Variants in TRIP11 observed in about 807,000 individuals in gnomAD.
TRIP11 encodes thyroid receptor-interacting protein 11.
Under a neutral mutation model 223.1 loss-of-function variants are expected in TRIP11, and 148 were observed. The observed-to-expected ratio is 0.66, with a 90% confidence interval of 0.58 to 0.76. TRIP11 has a LOEUF of 0.76. TRIP11 is among the 30% of genes least tolerant of loss of function. The probability of loss-of-function intolerance (pLI) is 0.00; values close to 1 mark genes in which losing one functional copy is unlikely to be tolerated. For synonymous variants in TRIP11, 762 were observed against 772.6 expected, an observed-to-expected ratio of 0.99 and a Z score of 0.23; for missense variants, 2,043 against 2,222.0, an observed-to-expected ratio of 0.92 and a Z score of 1.62.
In TRIP11 at chr14:92,000,019, G is replaced by T. The variant is rs754920540; in HGVS notation, c.4647C>A (p.Val1549=). ...TTTGTTTTTGTTTCAGGGCCAACAT[G>T]ACTTGGTCTCTCTCCTGTTGAAACA... is the stretch of plus-strand genomic sequence containing the variant. ...TVVFQQERDQ[V]MLALKQKQME... is the part of the protein sequence containing the mutation. The change falls in exon 12 of 21, where the codon GTC becomes GTA. Residue 1549 remains valine (V), a synonymous_variant. Transcript: ENST00000267622. 6.2e-7 allele frequency: 1 copy of T among 1,613,896 alleles called. No homozygotes were observed.
At chr14:91,980,416 G>A (rs1222696313) in intron 16 of TRIP11, among the ~76,000 whole-genome samples, 1 of 152,208 alleles carries the variant, frequency 6.6e-6, no homozygotes, top group African/African-American at 2.4e-5. Context: ...CACAGAACTT[G>A]AGAGTCAGAA....
At chr14:91,996,081 C>T (rs2056747440) in intron 13 of TRIP11, among the ~76,000 whole-genome samples, 1 of 152,274 alleles carries the variant, frequency 6.6e-6, no homozygotes, top group African/African-American at 2.4e-5. Flanking sequence ...TGTTGTACAA[C>T]CACCACCACC....
chr14:92,000,173 T>A (rs972640279), intron 11 of TRIP11, 65 bp from the exon 12 acceptor site: 93 of 1,602,548 alleles, frequency 5.8e-5, no homozygotes, highest in Admixed American at 8.4e-5. Flanking sequence ...AAAGAGACAT[T>A]TTCTTCACTC....
At chr14:92,012,372 T>C (rs555448530) in intron 7 of TRIP11, among the ~76,000 whole-genome samples, 1 of 152,340 alleles carries the variant, frequency 6.6e-6, no homozygotes, top group South Asian at 2.1e-4. Context: ...GCATTTACTA[T>C]GAGGCCAGGT....
chr14:92,008,587 C>G (rs891002075), intron 9 of TRIP11, among the ~76,000 whole-genome samples: 1 of 152,178 alleles, frequency 6.6e-6, no homozygotes, highest in Admixed American at 6.5e-5. Flanking sequence ...TGGGACAGTT[C>G]TCTATGCTTC....
chr14:92,039,393 G>C (rs2057358482), intron 1 of TRIP11, among the ~76,000 whole-genome samples, 154 bp downstream of exon 1: 1 of 152,164 alleles, frequency 6.6e-6, no homozygotes, highest in African/African-American at 2.4e-5. Flanking sequence ...TAGAAAATCT[G>C]TTGAGAAGAG....
Position 91,975,169 on chromosome 14 carries a change from C to T in TRIP11, c.5457+3G>A. The T allele has an allele frequency of 4.3e-6, 7 of 1,611,948 alleles. No homozygotes were observed. The highest frequency in any genetic ancestry group is 5.9e-6 in the Non-Finnish European group (7 of 1,178,260). ...GTTCAGATGGCTTTCATCGTCCAGT[C>T]ACCTGCTCCATCTCCTCCCTTCTGA... On this transcript the variant is annotated splice_donor_region_variant and intron_variant, in intron 18 of 20. Coordinates refer to ENST00000267622, the MANE Select transcript of TRIP11 (RefSeq NM_004239.4).
intron 5 of TRIP11, among the ~76,000 whole-genome samples, chr14:92,017,231 A>C (rs1411017824): frequency 6.6e-6 from 1 of 152,180 alleles, no homozygotes; most frequent in Non-Finnish European, 1.5e-5. Flanking sequence ...TAAATAATAA[A>C]GAATATTAAA....
intron 1 of TRIP11, among the ~76,000 whole-genome samples, chr14:92,034,295 C>T (rs1274254120): frequency 3.3e-5 from 5 of 152,150 alleles, no homozygotes; most frequent in East Asian, 3.9e-4. Context: ...TGGTGGCACA[C>T]GCCTGTAATC....
Position 92,006,113 on chromosome 14 carries a change from A to G in TRIP11, c.1863T>C (p.Ser621=). 6.2e-7 allele frequency: 1 copy of G among 1,607,932 alleles called. No homozygotes were observed. The highest frequency in any genetic ancestry group is 2.2e-5 in the East Asian group (1 of 44,752). The change falls in exon 11 of 21, where the codon TCT becomes TCC. Residue 621 remains serine (S), a synonymous_variant. Coordinates refer to ENST00000267622, the MANE Select transcript of TRIP11 (RefSeq NM_004239.4). ...ACTGCATTAACTCATTCCTTATTCT[A>G]GAAAGCTCCTCCTCATTTTGTCTAA... ...EHIRQNEEEL[S]RIRNELMQSL... is the part of the protein sequence containing the mutation.
chr14:92,014,209 G>A lies in TRIP11; in HGVS notation c.1186+6C>T. 2 of 1,613,954 alleles carry A rather than the reference G, an allele frequency of 1.2e-6. No individual in the cohort carries two copies. Among genetic ancestry groups the A allele is most frequent in the South Asian group, 2.2e-5 (2 of 91,070 alleles). ...CAATCTGAAATAAGTTCCAAAGACT[G>A]TATACCAGACAGTGCTTGTTGTAGT... On this transcript the variant is annotated splice_donor_region_variant and intron_variant, in intron 7 of 20. Coordinates refer to ENST00000267622, the MANE Select transcript of TRIP11 (RefSeq NM_004239.4).
intron 19 of TRIP11, among the ~76,000 whole-genome samples, chr14:91,973,946 T>C (rs1409852054): frequency 1.3e-5 from 2 of 152,224 alleles, no homozygotes; most frequent in East Asian, 3.9e-4. Context: ...GAGAACTGCC[T>C]GAACCCAGGA....
At chr14:91,998,709 AAAAAAG>A (rs2140109485) in intron 13 of TRIP11, among the ~76,000 whole-genome samples, 1 of 151,898 alleles carries the variant, frequency 6.6e-6, no homozygotes, top group Non-Finnish European at 1.5e-5. Context: ...AAAAAACAAG[AAAAAAG>A]TTTTCTTGAG....
At chr14:92,030,084 C>T (rs1201154677) in intron 2 of TRIP11, among the ~76,000 whole-genome samples, 3 of 150,734 alleles carry the variant, frequency 2.0e-5, no homozygotes, top group Non-Finnish European at 3.0e-5. Flanking sequence ...GTAGTCCCAG[C>T]TACTTGGGAG....
intron 15 of TRIP11, among the ~76,000 whole-genome samples, chr14:91,991,786 A>G (rs2056675394): frequency 6.6e-6 from 1 of 152,118 alleles, no homozygotes; most frequent in Admixed American, 6.6e-5. Flanking sequence ...TAAGTTTTTT[A>G]AAAAAGCAAG....
chr14:92,022,899 G>T (rs2057132217), intron 3 of TRIP11, among the ~76,000 whole-genome samples: 2 of 152,152 alleles, frequency 1.3e-5, no homozygotes, highest in Admixed American at 1.3e-4. Context: ...TCCCACAAAT[G>T]ACATGAGATA....
At chr14:91,979,899 T>C (rs550951228) in intron 16 of TRIP11, among the ~76,000 whole-genome samples, 5 of 152,020 alleles carry the variant, frequency 3.3e-5, no homozygotes, top group Admixed American at 2.0e-4. Context: ...AGGGAAAATA[T>C]GGTTATTCAG....
Position 92,015,850 on chromosome 14 carries a change from CT to C in TRIP11, c.668del (p.Gln223ArgfsTer25). On this transcript the variant is annotated frameshift_variant, in exon 6 of 21. Transcript: ENST00000267622. LOFTEE classifies it high-confidence loss of function. ...KLQNIIKELK[Q>X]NRSQEIDDHQ... Reference sequence around the variant, plus strand: ...GGTCATCAATTTCCTGACTTCGGTTCTGTTTTAGTTCCTTAAAAAATAAAAA... The same window carrying C: ...GGTCATCAATTTCCTGACTTCGGTTCGTTTTAGTTCCTTAAAAAATAAAAA... 6.2e-7 allele frequency: 1 copy of C among 1,611,086 alleles called. No homozygotes were observed. The highest frequency in any genetic ancestry group is 8.5e-7 in the Non-Finnish European group (1 of 1,179,390).
In TRIP11 at chr14:92,004,626, G is replaced by C; in HGVS notation, c.3350C>G (p.Thr1117Arg). 6.2e-7 allele frequency: 1 copy of C among 1,614,074 alleles called. No homozygotes were observed. The highest frequency in any genetic ancestry group is 2.2e-5 in the East Asian group (1 of 44,874). The stretch of plus-strand genomic sequence containing the variant: ...AATATCCATCATTTTGTGATATTCT[G>C]TTTTTAGATGGCTATTTTCCCTAGT... ...EKTRENSHLK[T>R]EYHKMMDIVA... Residue 1117 changes from threonine (T) to arginine (R), a missense_variant, in exon 11 of 21, where the codon ACA becomes AGA. Thr to Arg is a moderately conservative substitution (Grantham distance 71). Transcript: ENST00000267622.
Sources: gnomAD v4.1 joint callset for allele counts (sites outside exome capture counted in the v4.1 genomes callset) on GRCh38, gnomAD v4.1.1 for gene constraint, MANE v1.5 for transcripts, NCBI Gene and HGNC (gene_info 2026-07-23, HGNC 2026-07-21) for gene names.